Variants in BCAS3 observed in about 807,000 individuals in gnomAD.
BCAS3 encodes BCAS4/BCAS3 fusion.
In BCAS3, 53 loss-of-function variants were observed where a neutral mutation model predicts 116.1. The observed-to-expected ratio is 0.46, with a 90% CI of 0.37 to 0.57. The LOEUF is 0.57. BCAS3 is among the 20% of genes least tolerant of loss of function. The pLI is 0.00. For synonymous variants in BCAS3, 391 were observed against 408.2 expected, an observed-to-expected ratio of 0.96 and a Z score of 0.51; for missense variants, 917 against 1,165.4, an observed-to-expected ratio of 0.79 and a Z score of 3.10.
intron 19 of BCAS3, among the ~76,000 whole-genome samples, chr17:61,074,311 A>G (rs1303661488): frequency 6.6e-6 from 1 of 152,026 alleles, no homozygotes; most frequent in Non-Finnish European, 1.5e-5. Context: ...CAAAGAAGAG[A>G]CTAAGATTTT....
At chr17:60,747,080 G>A (rs1029607470) in intron 5 of BCAS3, 118 bp from the exon 6 acceptor site, 23 of 621,336 alleles carry the variant, frequency 3.7e-5, no homozygotes, top group Non-Finnish European at 5.9e-5. Flanking sequence ...GGGTGTGGGT[G>A]TATGTATATA....
At chr17:60,950,518 C>T (rs1018766545) in intron 14 of BCAS3, among the ~76,000 whole-genome samples, 3 of 152,196 alleles carry the variant, frequency 2.0e-5, no homozygotes, top group Non-Finnish European at 4.4e-5. Context: ...GACAGAGTCT[C>T]GCTGTGTTGC....
At position 61,019,757 on chromosome 17, in the gene BCAS3, AATTGT is replaced by A. The variant is rs1197366525; in HGVS notation, c.1637+3865_1637+3869del. ...TAATTTCCATTAATTATTGGCATTA[AATTGT>A]ATTGTATTTGCTGAGAAATCTGATG... On this transcript the variant is annotated intron_variant, in intron 16 of 23. Transcript: ENST00000407086. The surrounding 1 kb of genome is among the most constrained non-coding windows in gnomAD (Gnocchi z 5.6). Among the ~76,000 whole-genome samples the A allele has an allele frequency of 2.6e-5, 4 of 152,092 alleles. No homozygotes were observed. Among genetic ancestry groups the A allele is most frequent in the Non-Finnish European group, 4.4e-5 (3 of 68,006 alleles).
chr17:61,211,637 ACTT>A lies in BCAS3; in HGVS notation c.2425+127077_2425+127079del, dbSNP rs1040600893. Among the ~76,000 whole-genome samples the A allele has an allele frequency of 2.0e-5, 3 of 149,992 alleles. No individual in the cohort carries two copies. Among genetic ancestry groups the A allele is most frequent in the African/African-American group, 7.4e-5 (3 of 40,684 alleles). On this transcript the variant is annotated intron_variant, in intron 22 of 23. Transcript: ENST00000407086. The surrounding 1 kb of genome is among the most constrained non-coding windows in gnomAD (Gnocchi z 4.4). ...TAGGAATTATGCATCATTAGACTGA[ACTT>A]CTTATGTTTGCATCCAGGTCATTTC... is the stretch of plus-strand genomic sequence containing the variant.
rs1485517100 is a variant in BCAS3 at position 61,047,855 on chromosome 17, G to C, written c.2029+6963G>C. ...CTCCTTTCTTTCAGGTAATTTGGCA[G>C]CAACAGTGTTTTTAAGTTGCTGACA... On this transcript the variant is annotated intron_variant, in intron 19 of 23. Transcript: ENST00000407086. Among the ~76,000 whole-genome samples the C allele has an allele frequency of 2.6e-5, 4 of 152,018 alleles. 1 individual carries two copies. Among genetic ancestry groups the C allele is most frequent in the Non-Finnish European group, 4.4e-5 (3 of 67,974 alleles).
rs557278166 is a variant in BCAS3, at chr17:61,295,153, C to G, written c.2426-73174C>G. Among the ~76,000 whole-genome samples, 546 of 152,322 alleles carry G rather than the reference C, an allele frequency of 3.6e-3. 1 individual carries two copies. The highest frequency in any genetic ancestry group is 0.012 in the African/African-American group (512 of 41,576). On this transcript the variant is annotated intron_variant, in intron 22 of 23. Transcript: ENST00000407086. ...TCTCTCTAAGCCCTTGGAGGGTATGCTCCCTAATAAGCTGCCCCAGAGAGG... is the reference window on the plus strand; with the variant it reads ...TCTCTCTAAGCCCTTGGAGGGTATGGTCCCTAATAAGCTGCCCCAGAGAGG...
In BCAS3 at chr17:61,021,180, C is replaced by T. The variant is rs1410141740; in HGVS notation, c.1637+5279C>T. ...AGGTGATTCTCTTGCCTCAGCCTCC[C>T]GAGTAGCTGGGACTACAAGTGGGTG... On this transcript the variant is annotated intron_variant, in intron 16 of 23. Coordinates refer to ENST00000407086, the MANE Select transcript of BCAS3 (RefSeq NM_017679.5). This position sits in a 1 kb window ranked among gnomAD's most constrained non-coding sequence, Gnocchi z 4.6. Among the ~76,000 whole-genome samples the T allele has an allele frequency of 3.3e-5, 5 of 152,086 alleles. No individual in the cohort carries two copies. The highest frequency in any genetic ancestry group is 3.3e-4 in the Admixed American group (5 of 15,264).
intron 23 of BCAS3, among the ~76,000 whole-genome samples, chr17:61,385,726 C>T (rs1190718879): frequency 7.2e-5 from 11 of 152,250 alleles, no homozygotes; most frequent in Admixed American, 7.2e-4. Flanking sequence ...GTCTTAACCA[C>T]AGTCCCTGCT....
Position 60,716,063 on chromosome 17 carries a change from A to G in BCAS3, c.321+6738A>G, listed in dbSNP as rs373330667. On this transcript the variant is annotated intron_variant, in intron 5 of 23. Coordinates refer to ENST00000407086, the MANE Select transcript of BCAS3 (RefSeq NM_017679.5). ...TTTTTAGTAGAGACGGGGTTTCACC[A>G]TGTTGGTCAAGCTGGTCTCGAGCTC... is the stretch of plus-strand genomic sequence containing the variant. Among the ~76,000 whole-genome samples the G allele has an allele frequency of 7.9e-5, 12 of 151,934 alleles. No individual in the cohort carries two copies. The South Asian group carries it at 1.0e-3, about 13-fold the overall frequency.
At chr17:60,733,833 C>G (rs992500909) in intron 5 of BCAS3, among the ~76,000 whole-genome samples, 4 of 152,068 alleles carry the variant, frequency 2.6e-5, no homozygotes, top group African/African-American at 9.7e-5. Context: ...GGTGACAGAT[C>G]CAGACCTTGT....
intron 13 of BCAS3, among the ~76,000 whole-genome samples, chr17:60,940,681 G>A (rs2060178126): frequency 6.6e-6 from 1 of 152,160 alleles, no homozygotes; most frequent in Admixed American, 6.5e-5. Context: ...ACATGAACAA[G>A]CATTAATGCC....
intron 10 of BCAS3, among the ~76,000 whole-genome samples, chr17:60,890,875 T>C (rs1043854677): frequency 3.9e-5 from 6 of 152,320 alleles, no homozygotes; most frequent in East Asian, 3.9e-4. Context: ...GTAAGTAAAG[T>C]AGTTATTTGG....
intron 19 of BCAS3, among the ~76,000 whole-genome samples, chr17:61,072,765 A>C (rs957125092): frequency 5.3e-5 from 8 of 151,688 alleles, no homozygotes; most frequent in Non-Finnish European, 2.9e-5. Context: ...CCTTCCACTC[A>C]CAACATGGCT....
chr17:61,164,769 A>G (rs954361247), intron 22 of BCAS3, among the ~76,000 whole-genome samples: 2 of 152,290 alleles, frequency 1.3e-5, no homozygotes, highest in Admixed American at 1.3e-4. Context: ...TTTATAAATT[A>G]CCCAGTCTGT....
intron 16 of BCAS3, among the ~76,000 whole-genome samples, chr17:61,022,680 C>T (rs932458139): frequency 2.0e-5 from 3 of 152,120 alleles, no homozygotes; most frequent in African/African-American, 4.8e-5. Context: ...TGAAAAGTCA[C>T]CCAGGCTCAA....
At chr17:61,373,729 G>GCGCCC (rs1555859904) in intron 23 of BCAS3, among the ~76,000 whole-genome samples, 1 of 142,004 alleles carries the variant, frequency 7.0e-6, no homozygotes, top group Non-Finnish European at 1.5e-5. Context: ...ACGATGCCCA[G>GCGCCC]CCCCTGTTTA....
rs556441827 is a variant in BCAS3, at chr17:61,011,565, C to T, written c.1487-4186C>T. Among the ~76,000 whole-genome samples the T allele has an allele frequency of 1.6e-4, 24 of 152,084 alleles. No homozygotes were observed. The South Asian group carries it at 4.6e-3, about 29-fold the overall frequency. On this transcript the variant is annotated intron_variant, in intron 15 of 23. Transcript: ENST00000407086. ...TTATTTTTTCTATAGATCATAGGGC[C>T]GTATTTTTCTCTACCTCCTGGACAT...
chr17:60,827,283 G>A (rs2050515652), intron 7 of BCAS3, among the ~76,000 whole-genome samples: 1 of 152,132 alleles, frequency 6.6e-6, no homozygotes, highest in African/African-American at 2.4e-5. Flanking sequence ...TACTATTTGG[G>A]TCAGGAAGGT....
At chr17:61,146,377 A>G (rs1338420021) in intron 22 of BCAS3, among the ~76,000 whole-genome samples, 1 of 151,312 alleles carries the variant, frequency 6.6e-6, no homozygotes, top group East Asian at 1.9e-4. Context: ...TCGGCCTCCT[A>G]AAGTGCTCGG....
Sources: gnomAD v4.1 joint callset for allele counts (sites outside exome capture counted in the v4.1 genomes callset) on GRCh38, gnomAD v4.1.1 for gene constraint, Gnocchi (gnomAD v3.1) non-coding constraint, MANE v1.5 for transcripts, NCBI Gene and HGNC (gene_info 2026-07-23, HGNC 2026-07-21) for gene names.